Variants in TNPO3 observed in about 807,000 individuals in gnomAD.
TNPO3 encodes the protein transportin-3.
Under a neutral mutation model 122.8 loss-of-function variants are expected in TNPO3, and 65 were observed. That is an observed-to-expected ratio of 0.53 (90% confidence interval 0.43 to 0.65). TNPO3 has a LOEUF of 0.65. Ranked by LOEUF, TNPO3 falls within the 30% of genes least tolerant of loss-of-function variation. The pLI is 0.00. For missense variants in TNPO3, 850 were observed against 1,136.7 expected (o/e 0.75, Z 3.63); for synonymous variants, 372 against 411.2 (o/e 0.90, Z 1.15).
chr7:128,992,122 T>A (rs1429268134), intron 9 of TNPO3, 32 bp from the exon 10 acceptor site: 10 of 1,316,270 alleles, frequency 7.6e-6, no homozygotes, highest in Non-Finnish European at 9.6e-6. Flanking sequence ...ATGGATCCAT[T>A]AAAAGGAAAA....
intron 4 of TNPO3, among the ~76,000 whole-genome samples, chr7:129,005,564 C>G (rs533037154): frequency 3.3e-5 from 5 of 152,018 alleles, no homozygotes; most frequent in Admixed American, 2.0e-4. Context: ...AGAGTTCTCA[C>G]GAGATCTGGT....
rs1436195514 is a variant in TNPO3, at chr7:129,003,296, GGTTT to G, written c.696+1716_696+1719del. On this transcript the variant is annotated intron_variant, in intron 5 of 22. Coordinates refer to ENST00000265388, the MANE Select transcript of TNPO3 (RefSeq NM_012470.4). The stretch of plus-strand genomic sequence containing the variant: ...ATATATGAAGTATTTTAATTTTTAG[GGTTT>G]TTTTTTTTTTTTTTTTTTAAGAGCT... 2.1e-3 allele frequency among the ~76,000 whole-genome samples: 227 copies of G among 107,686 alleles called. 1 individual carries two copies. The highest frequency in any genetic ancestry group is 5.7e-3 in the African/African-American group (156 of 27,364). 70.6% of individuals were successfully genotyped at this position (107,686 alleles called of 152,430 possible). A position where few individuals can be genotyped will look rare whatever the true frequency, so the allele number is the denominator to read the frequency against.
chr7:128,992,201 A>T, intron 9 of TNPO3, 111 bp from the exon 10 acceptor site: 1 of 566,964 alleles, frequency 1.8e-6, no homozygotes, highest in Non-Finnish European at 3.1e-6. Flanking sequence ...TCTAAATCTA[A>T]TTACCTCTCA....
At chr7:128,992,800 T>G (rs1207621715) in intron 9 of TNPO3, among the ~76,000 whole-genome samples, 1 of 135,654 alleles carries the variant, frequency 7.4e-6, no homozygotes, top group Non-Finnish European at 1.6e-5. Flanking sequence ...TTAATAACTT[T>G]TTTTTGGCAA....
At chr7:129,003,443 G>A (rs1486818700) in intron 5 of TNPO3, among the ~76,000 whole-genome samples, 2 of 151,870 alleles carry the variant, frequency 1.3e-5, no homozygotes, top group Admixed American at 6.6e-5. Flanking sequence ...GCTGAGGTGG[G>A]AGAACTGCTT....
intron 21 of TNPO3, among the ~76,000 whole-genome samples, chr7:128,961,460 G>A (rs1797449681): frequency 1.3e-5 from 2 of 152,142 alleles, no homozygotes; most frequent in Admixed American, 6.5e-5. Flanking sequence ...ATCTAGGTTT[G>A]TAGAAGTATA....
At chr7:129,022,181 T>C (rs1584578324) in intron 1 of TNPO3, among the ~76,000 whole-genome samples, 1 of 152,190 alleles carries the variant, frequency 6.6e-6, no homozygotes, top group South Asian at 2.1e-4. Context: ...GGCCAGGAGT[T>C]TGGGACCAGC....
chr7:129,027,584 AAAAAAAAC>A (rs1563107440), intron 1 of TNPO3, among the ~76,000 whole-genome samples: 56 of 136,584 alleles, frequency 4.1e-4, no homozygotes, highest in African/African-American at 1.3e-3. Context: ...AAAAAAAAAA[AAAAAAAAC>A]AACACAAAAA....
At chr7:128,967,199 A>C in intron 21 of TNPO3, 81 bp downstream of exon 21, 2 of 957,756 alleles carry the variant, frequency 2.1e-6, no homozygotes, top group Non-Finnish European at 3.3e-6. Context: ...TAAATTGTCC[A>C]TTTCCCAAGG....
intron 1 of TNPO3, among the ~76,000 whole-genome samples, chr7:129,043,139 A>G (rs1807591202): frequency 6.6e-6 from 1 of 152,022 alleles, no homozygotes; most frequent in Non-Finnish European, 1.5e-5. Flanking sequence ...AATGACACAC[A>G]CCTGTCATCT....
chr7:128,997,077 A>G (rs1411813706), intron 8 of TNPO3, among the ~76,000 whole-genome samples: 1 of 151,974 alleles, frequency 6.6e-6, no homozygotes, highest in Non-Finnish European at 1.5e-5. Context: ...CTTCTTCAGT[A>G]TAAGCTGTAG....
At chr7:129,045,178 G>A (rs773689456) in intron 1 of TNPO3, among the ~76,000 whole-genome samples, 1 of 152,176 alleles carries the variant, frequency 6.6e-6, no homozygotes, top group Non-Finnish European at 1.5e-5. Flanking sequence ...AAAGTAGAAT[G>A]GTGGTTGCCA....
At chr7:129,046,851 T>C (rs1174328497) in intron 1 of TNPO3, among the ~76,000 whole-genome samples, 1 of 152,116 alleles carries the variant, frequency 6.6e-6, no homozygotes, top group African/African-American at 2.4e-5. Flanking sequence ...CATCAGAACT[T>C]GTGAGACTTA....
At chr7:128,958,838 T>C (rs1048430244) in intron 21 of TNPO3, among the ~76,000 whole-genome samples, 4 of 152,166 alleles carry the variant, frequency 2.6e-5, no homozygotes, top group African/African-American at 9.7e-5. Flanking sequence ...ACCCCGTCTC[T>C]ACAAATAATT....
chr7:129,014,182 C>A (rs1446269976), intron 4 of TNPO3, among the ~76,000 whole-genome samples: 1 of 152,182 alleles, frequency 6.6e-6, no homozygotes, highest in Non-Finnish European at 1.5e-5. Context: ...TCAATTTGAT[C>A]ATCACCTGAT....
chr7:128,986,187 G>A (rs1373589762), intron 12 of TNPO3, among the ~76,000 whole-genome samples: 2 of 152,180 alleles, frequency 1.3e-5, no homozygotes, highest in African/African-American at 4.8e-5. Flanking sequence ...CTTAAAGGCT[G>A]TTCTAAGTCT....
chr7:128,976,461 C>T (rs1230475569), intron 16 of TNPO3, among the ~76,000 whole-genome samples: 1 of 152,068 alleles, frequency 6.6e-6, no homozygotes, highest in Admixed American at 6.5e-5. Context: ...AAAATTTTAA[C>T]ACAATATGCA....
chr7:129,025,298 C>T (rs559270476), intron 1 of TNPO3, among the ~76,000 whole-genome samples: 14 of 123,070 alleles, frequency 1.1e-4, no homozygotes, highest in East Asian at 5.3e-4. Flanking sequence ...TGCAGTGAGC[C>T]GAGATCGTAC....
chr7:129,020,479 C>T (rs1804353498), intron 1 of TNPO3, among the ~76,000 whole-genome samples: 1 of 152,170 alleles, frequency 6.6e-6, no homozygotes, highest in African/African-American at 2.4e-5. Flanking sequence ...CTCGCTCTGT[C>T]ACCCAGGCTG....
Sources: gnomAD v4.1 joint callset for allele counts (sites outside exome capture counted in the v4.1 genomes callset) on GRCh38, gnomAD v4.1.1 for gene constraint, MANE v1.5 for transcripts, NCBI Gene and HGNC (gene_info 2026-07-23, HGNC 2026-07-21) for gene names.